CLNK: variants seen among roughly 807,000 people sequenced by gnomAD.
CLNK encodes cytokine-dependent hematopoietic cell linker.
A neutral mutation model predicts 68.6 loss-of-function variants in CLNK; 74 were observed. The observed-to-expected ratio is 1.08, with a 90% CI of 0.89 to 1.31. The LOEUF (loss-of-function observed/expected upper bound fraction) is 1.31. Among genes scored for constraint, CLNK ranks in the 50% most tolerant of loss-of-function variants. CLNK has a pLI of 0.00. For missense variants in CLNK, 553 were observed against 515.3 expected (o/e 1.07, Z -0.71); for synonymous variants, 198 against 172.2 (o/e 1.15, Z -1.17).
chr4:10,640,033 C>G (rs1040093833), intron 2 of CLNK, among the ~76,000 whole-genome samples: 1 of 152,232 alleles, frequency 6.6e-6, no homozygotes, highest in Non-Finnish European at 1.5e-5. Flanking sequence ...CATTGTTCTT[C>G]AGTCATTTGA....
In CLNK at chr4:10,540,513, C is replaced by T. The variant is rs1175189748; in HGVS notation, c.583G>A (p.Glu195Lys). 1.9e-6 allele frequency: 3 copies of T among 1,613,234 alleles called. No individual in the cohort carries two copies. The Admixed American group carries it at 5.0e-5, about 27-fold the overall frequency. Residue 195 changes from glutamate (E) to lysine (K), a missense_variant, in exon 11 of 19, where the codon GAA becomes AAA. Glu to Lys is a moderately conservative substitution (Grantham distance 56, BLOSUM62 1). Coordinates refer to ENST00000226951, the MANE Select transcript of CLNK (RefSeq NM_052964.4). Reference sequence around the variant, plus strand: ...TCTCACCTGGGCATTCTCTGGACTTCTGGAAAGGTGTGTCTCTGAGATAAA... The same window carrying T: ...TCTCACCTGGGCATTCTCTGGACTTTTGGAAAGGTGTGTCTCTGAGATAAA... ...PPLSQRHTFP[E>K]VQRMPSQISL...
At chr4:10,652,890 A>C (rs1723809343) in intron 2 of CLNK, among the ~76,000 whole-genome samples, 1 of 152,240 alleles carries the variant, frequency 6.6e-6, no homozygotes, top group Admixed American at 6.5e-5. Flanking sequence ...ACACATGCAC[A>C]TGTATGTTTA....
chr4:10,635,991 AC>A (rs1480053635), intron 2 of CLNK: 1 of 152,132 alleles, frequency 6.6e-6, no homozygotes, highest in Non-Finnish European at 1.5e-5. Context: ...CAAACCACTA[AC>A]TCCTGCCGTG....
chr4:10,672,126 A>C (rs904583055), intron 1 of CLNK, among the ~76,000 whole-genome samples: 6 of 152,222 alleles, frequency 3.9e-5, no homozygotes, highest in Non-Finnish European at 8.8e-5. Context: ...ATCAATAGGC[A>C]ATGTCAGGGA....
chr4:10,668,942 A>G (rs1724518061), intron 1 of CLNK, among the ~76,000 whole-genome samples: 1 of 152,142 alleles, frequency 6.6e-6, no homozygotes, highest in African/African-American at 2.4e-5. Flanking sequence ...CCCAGATGAG[A>G]GGAATAGGGT....
chr4:10,600,645 A>G (rs917843806), intron 2 of CLNK, among the ~76,000 whole-genome samples: 3 of 152,218 alleles, frequency 2.0e-5, no homozygotes, highest in Non-Finnish European at 4.4e-5. Context: ...GCCTGCTTGC[A>G]GGAATGTTTG....
intron 5 of CLNK, among the ~76,000 whole-genome samples, chr4:10,568,449 G>A (rs569888730): frequency 6.6e-6 from 1 of 152,254 alleles, no homozygotes; most frequent in African/African-American, 2.4e-5. Flanking sequence ...ATGCAACTCT[G>A]TGAATATACA....
chr4:10,634,574 G>A (rs935950426), intron 2 of CLNK, among the ~76,000 whole-genome samples: 18 of 152,176 alleles, frequency 1.2e-4, no homozygotes, highest in Non-Finnish European at 1.8e-4. Flanking sequence ...ACTGTGCACC[G>A]AAAGACTGAA....
intron 2 of CLNK, among the ~76,000 whole-genome samples, chr4:10,658,093 T>G (rs892545460): frequency 6.6e-6 from 1 of 152,186 alleles, no homozygotes; most frequent in Admixed American, 6.5e-5. Flanking sequence ...GGATGTCTCC[T>G]CTAATGCCAC....
At chr4:10,543,953 T>C (rs1357149995) in intron 8 of CLNK, among the ~76,000 whole-genome samples, 1 of 152,126 alleles carries the variant, frequency 6.6e-6, no homozygotes, top group East Asian at 1.9e-4. Flanking sequence ...TTCAAGGAAA[T>C]CACAAAAAAG....
chr4:10,488,540 C>T lies in CLNK; in HGVS notation c.*1927G>A, dbSNP rs907750806. 4 of 152,238 alleles carry T rather than the reference C, an allele frequency of 2.6e-5. No homozygotes were observed. Among genetic ancestry groups the T allele is most frequent in the Middle Eastern group, 3.1e-3 (1 of 318 alleles). 9.4% of individuals were successfully genotyped at this position (152,238 alleles called of 1,614,324 possible). A position where few individuals can be genotyped will look rare whatever the true frequency, so the allele number is the denominator to read the frequency against. On this transcript the variant is annotated 3_prime_UTR_variant, in exon 19 of 19. Coordinates refer to ENST00000226951, the MANE Select transcript of CLNK (RefSeq NM_052964.4). ...CTTTGACCGGACCAGTGAGTTCTTT[C>T]GTATCCAAGCTCCAATTTAAACACT...
chr4:10,487,761 G>A lies in CLNK; in HGVS notation c.*2706C>T, dbSNP rs1322463122. The A allele has an allele frequency of 6.6e-6, 1 of 152,032 alleles. No homozygotes were observed. Among genetic ancestry groups the A allele is most frequent in the African/African-American group, 2.4e-5 (1 of 41,382 alleles). The allele number at this position is 152,032 out of a possible 1,614,324, so 9.4% of individuals were successfully genotyped here. A position where few individuals can be genotyped will look rare whatever the true frequency, so the allele number is the denominator to read the frequency against. ...CAAACTTTGCTTTGGGCCTCACTATGAGCTGGCCAAAACTCTCCCAGAGCT... is the reference window on the plus strand; with the variant it reads ...CAAACTTTGCTTTGGGCCTCACTATAAGCTGGCCAAAACTCTCCCAGAGCT... On this transcript the variant is annotated 3_prime_UTR_variant, in exon 19 of 19. Transcript: ENST00000226951.
At chr4:10,501,592 G>T (rs1717052927) in intron 17 of CLNK, among the ~76,000 whole-genome samples, 181 bp from the exon 18 acceptor site, 1 of 152,196 alleles carries the variant, frequency 6.6e-6, no homozygotes. Flanking sequence ...GTCACTTTCT[G>T]AGATGTGTAC....
At chr4:10,536,855 C>G (rs1351772430) in intron 11 of CLNK, among the ~76,000 whole-genome samples, 1 of 152,100 alleles carries the variant, frequency 6.6e-6, no homozygotes, top group African/African-American at 2.4e-5. Flanking sequence ...TCAACACCAC[C>G]AAGACAGTAA....
chr4:10,670,047 A>G (rs1724568352), intron 1 of CLNK, among the ~76,000 whole-genome samples: 1 of 152,212 alleles, frequency 6.6e-6, no homozygotes, highest in Non-Finnish European at 1.5e-5. Context: ...TTGAAGGAAC[A>G]CTTGGACCCT....
chr4:10,580,772 A>C (rs6849844), intron 4 of CLNK, among the ~76,000 whole-genome samples: 147,281 of 152,248 alleles, frequency 0.97, 71,429 homozygotes, highest in East Asian at 1. Flanking sequence ...AGGAAAGAGT[A>C]AAAAAGTCAG....
chr4:10,504,547 C>T (rs570284218), intron 17 of CLNK, among the ~76,000 whole-genome samples: 3 of 152,260 alleles, frequency 2.0e-5, no homozygotes, highest in Non-Finnish European at 2.9e-5. Flanking sequence ...AATGGAATAC[C>T]GAAAAGCCAA....
At chr4:10,629,709 T>G (rs1722811902) in intron 2 of CLNK, among the ~76,000 whole-genome samples, 1 of 151,650 alleles carries the variant, frequency 6.6e-6, no homozygotes, top group Non-Finnish European at 1.5e-5. Context: ...TTCAAGACAA[T>G]GTCTTGCAAC....
Position 10,576,133 on chromosome 4 carries a change from C to T in CLNK, c.113-4355G>A, listed in dbSNP as rs531010445. On this transcript the variant is annotated intron_variant, in intron 4 of 18. Coordinates refer to ENST00000226951, the MANE Select transcript of CLNK (RefSeq NM_052964.4). ...TGGTACAGCAGGAACATGTCAGAAC[C>T]GGGAAGCAGCGATAGAACCTTCCTC... 7.2e-5 allele frequency among the ~76,000 whole-genome samples: 11 copies of T among 152,246 alleles called. No individual in the cohort carries two copies. In the East Asian group the frequency reaches 1.2e-3, roughly 16 times the overall value.
Sources: allele counts gnomAD v4.1 joint callset (sites outside exome capture counted in the v4.1 genomes callset), GRCh38; gene constraint gnomAD v4.1.1; transcripts MANE v1.5; gene names NCBI Gene and HGNC (gene_info 2026-07-23, HGNC 2026-07-21).